SKIDA1: variants seen among roughly 807,000 people sequenced by gnomAD.
The protein encoded by SKIDA1 is SKI/DACH domain-containing protein 1.
Under a neutral mutation model 51.4 loss-of-function variants are expected in SKIDA1, and 18 were observed. The ratio of observed to expected loss-of-function variants is 0.35; its 90% CI spans 0.24 to 0.52. The LOEUF (loss-of-function observed/expected upper bound fraction) is 0.52, where lower values mean the gene tolerates loss of function less well. SKIDA1 is among the 20% of genes least tolerant of loss of function. The probability of loss-of-function intolerance (pLI) is 0.95; values close to 1 mark genes in which losing one functional copy is unlikely to be tolerated. For synonymous variants in SKIDA1, 579 were observed against 500.5 expected (o/e 1.16, Z -2.09); for missense variants, 1,104 against 1,180.6 (o/e 0.94, Z 0.95).
At chr10:21,523,305 G>A (rs2032482960) in intron 2 of SKIDA1, among the ~76,000 whole-genome samples, 1 of 152,144 alleles carries the variant, frequency 6.6e-6, no homozygotes, top group Non-Finnish European at 1.5e-5. Flanking sequence ...CCAGTTTAAA[G>A]GACACCATAA....
In SKIDA1 at chr10:21,516,099, G is replaced by T; in HGVS notation, c.1724C>A (p.Ala575Glu). 1 of 1,614,020 alleles carries T rather than the reference G, an allele frequency of 6.2e-7. No individual in the cohort carries two copies. The highest frequency in any genetic ancestry group is 8.5e-7 in the Non-Finnish European group (1 of 1,179,898). ...KRTDLTINCL[A>E]EGASSPSPKT... ...TGGGCTAGGTGAAGAGGCCCCCTCT[G>T]CCAGGCAGTTAATTGTCAGGTCAGT... is the stretch of plus-strand genomic sequence containing the variant. Residue 575 changes from alanine to glutamate, a missense_variant, in exon 4 of 4, where the codon GCA becomes GAA. Physicochemically the swap from Ala to Glu is moderately radical, Grantham distance 107. This residue lies in a region of SKIDA1 where 938 missense variants were observed against 886.4 expected (regional missense o/e 1.06). Transcript: ENST00000449193. The surrounding 1 kb of genome is among the most constrained non-coding windows in gnomAD (Gnocchi z 5.7).
intron 1 of SKIDA1, chr10:21,524,645 C>A (rs1214993818): frequency 7.2e-6 from 1 of 139,174 alleles, no homozygotes; most frequent in Non-Finnish European, 1.5e-5. Flanking sequence ...CTTAATCCTA[C>A]GCTAAAAGAG....
chr10:21,521,860 T>C (rs903126248), intron 2 of SKIDA1, among the ~76,000 whole-genome samples: 1 of 152,196 alleles, frequency 6.6e-6, no homozygotes, highest in Non-Finnish European at 1.5e-5. Context: ...AATCAGCACT[T>C]TCAGTTTTTA....
At position 21,517,286 on chromosome 10, in the gene SKIDA1, C is replaced by T; in HGVS notation, c.537G>A (p.Ser179=). The T allele has an allele frequency of 1.4e-6, 2 of 1,467,222 alleles. No homozygotes were observed. The highest frequency in any genetic ancestry group is 1.8e-6 in the Non-Finnish European group (2 of 1,107,004). The allele number at this position is 1,467,222 out of a possible 1,614,324, so 90.9% of individuals were successfully genotyped here. A position where few individuals can be genotyped will look rare whatever the true frequency, so the allele number is the denominator to read the frequency against. ...GCGAGCGCACGATCTCCGGGTAGTG[C>T]GAGCCGGGGTATTTGCTAAAAATCT... ...LPQIFSKYPG[S]HYPEIVRSPC... is the part of the protein sequence containing the mutation. Residue 179 remains serine (S), a synonymous_variant, in exon 4 of 4, where the codon TCG becomes TCA. Transcript: ENST00000449193. The surrounding 1 kb of genome is among the most constrained non-coding windows in gnomAD (Gnocchi z 6.9).
In SKIDA1 at chr10:21,518,753, A is replaced by G. The variant is rs775860362; in HGVS notation, c.-931T>C. ...CAGAATAGCCTGGTATTTCCCTTAC[A>G]GGAGTGGGGAAGGAGACCGGCTGGG... On this transcript the variant is annotated 5_prime_UTR_variant, in exon 4 of 4. Transcript: ENST00000449193. 5.4e-5 allele frequency: 9 copies of G among 166,890 alleles called. No homozygotes were observed. Among genetic ancestry groups the G allele is most frequent in the Non-Finnish European group, 7.3e-5 (5 of 68,080 alleles). The allele number at this position is 166,890 out of a possible 1,614,324, so 10.3% of individuals were successfully genotyped here. A position where few individuals can be genotyped will look rare whatever the true frequency, so the allele number is the denominator to read the frequency against.
chr10:21,518,513 A>T lies in SKIDA1; in HGVS notation c.-691T>A, dbSNP rs1473822827. 2 of 165,732 alleles carry T rather than the reference A, an allele frequency of 1.2e-5. No individual in the cohort carries two copies. Among genetic ancestry groups the T allele is most frequent in the Non-Finnish European group, 2.9e-5 (2 of 67,954 alleles). The allele number at this position is 165,732 out of a possible 1,614,324, so 10.3% of individuals were successfully genotyped here. A position where few individuals can be genotyped will look rare whatever the true frequency, so the allele number is the denominator to read the frequency against. ...AACAGCCTGACTCACAGACTTCATC[A>T]GAAGCAGTGTGTGTACGCTTAAGGG... On this transcript the variant is annotated 5_prime_UTR_variant, in exon 4 of 4. Coordinates refer to ENST00000449193, the MANE Select transcript of SKIDA1 (RefSeq NM_207371.4).
chr10:21,515,342 G>T lies in SKIDA1; in HGVS notation c.2481C>A (p.Asn827Lys), dbSNP rs770501527. The T allele has an allele frequency of 6.2e-7, 1 of 1,613,996 alleles. No individual in the cohort carries two copies. Among genetic ancestry groups the T allele is most frequent in the African/African-American group, 1.3e-5 (1 of 75,026 alleles). ...CATTGCTGGCTACCTTTTTGCGTCTGTTTATAACTGTAAAATCATCCAGTG... is the reference window on the plus strand; with the variant it reads ...CATTGCTGGCTACCTTTTTGCGTCTTTTTATAACTGTAAAATCATCCAGTG... ...EGTLDDFTVINRRKKVASNVA... is the reference protein window; with the variant it reads ...EGTLDDFTVIKRRKKVASNVA... The change falls in exon 4 of 4, where the codon AAC becomes AAA. Residue 827 changes from asparagine to lysine, a missense_variant. By Grantham distance (94) the Asn-to-Lys change is moderately conservative (BLOSUM62 0). Transcript: ENST00000449193.
At position 21,515,628 on chromosome 10, in the gene SKIDA1, G is replaced by C. The variant is rs1346799001; in HGVS notation, c.2195C>G (p.Thr732Ser). Residue 732 changes from threonine to serine, a missense_variant, in exon 4 of 4, where the codon ACC (threonine) becomes AGC (serine). Thr to Ser is a moderately conservative substitution (Grantham distance 58). Coordinates refer to ENST00000449193, the MANE Select transcript of SKIDA1 (RefSeq NM_207371.4). Reference protein sequence around the residue: ...TESKEEDALLTTAKEGFACPE... With the variant: ...TESKEEDALLSTAKEGFACPE... ...GCATGCAAAACCTTCCTTGGCTGTG[G>C]TTAACAAGGCGTCCTCCTCTTTACT... 1 of 1,614,012 alleles carries C rather than the reference G, an allele frequency of 6.2e-7. No individual in the cohort carries two copies. Among genetic ancestry groups the C allele is most frequent in the African/African-American group, 1.3e-5 (1 of 75,046 alleles).
At chr10:21,523,483 T>C (rs191727598) in intron 2 of SKIDA1, among the ~76,000 whole-genome samples, 200 bp downstream of exon 2, 2 of 152,268 alleles carry the variant, frequency 1.3e-5, no homozygotes, top group Admixed American at 1.3e-4. Context: ...TATTTTCCTA[T>C]GAGACACATG....
rs904716919 is a variant in SKIDA1, at chr10:21,516,552, T to C, written c.1271A>G (p.Glu424Gly). Residue 424 changes from glutamate to glycine, a missense_variant, in exon 4 of 4, where the codon GAA (glutamate) becomes GGA (glycine). Around this residue, in one of 3 missense-constraint regions of SKIDA1, gnomAD observed 938 missense variants for 886.4 expected, o/e 1.06. Coordinates refer to ENST00000449193, the MANE Select transcript of SKIDA1 (RefSeq NM_207371.4). This position sits in a 1 kb window ranked among gnomAD's most constrained non-coding sequence, Gnocchi z 5.7. ...EEEEGEEEEE[E>G]EEEEGGSGAS... ...CCCGCTGCCCCCCTCCTCCTCCTCT[T>C]CCTCCTCCTCCTCCTCTCCCTCCTC... 17 of 1,467,598 alleles carry C rather than the reference T, an allele frequency of 1.2e-5. No homozygotes were observed. In the East Asian group the frequency reaches 2.2e-4, roughly 19 times the overall value. The allele number at this position is 1,467,598 out of a possible 1,614,324, so 90.9% of individuals were successfully genotyped here. A position where few individuals can be genotyped will look rare whatever the true frequency, so the allele number is the denominator to read the frequency against.
chr10:21,521,833 C>T (rs2032404380), intron 2 of SKIDA1, among the ~76,000 whole-genome samples: 1 of 152,168 alleles, frequency 6.6e-6, no homozygotes, highest in Non-Finnish European at 1.5e-5. Flanking sequence ...CCACTTACTT[C>T]TGCATTTATT....
At position 21,514,911 on chromosome 10, in the gene SKIDA1, C is replaced by CAA; in HGVS notation, c.*184_*185insTT. ...ACCCTTCTCCCACCCCGCCCCCACC[C>CAA]TACTCCAGAAAAAAAAAAAAAAACC... On this transcript the variant is annotated 3_prime_UTR_variant, in exon 4 of 4. Transcript: ENST00000449193. 3.9e-6 allele frequency: 1 copy of CAA among 258,508 alleles called. No individual in the cohort carries two copies. The highest frequency in any genetic ancestry group is 1.1e-4 in the East Asian group (1 of 8,702). The allele number at this position is 258,508 out of a possible 1,614,324, so 16.0% of individuals were successfully genotyped here.
Position 21,515,448 on chromosome 10 carries a change from A to G in SKIDA1, c.2375T>C (p.Leu792Pro). 6.2e-7 allele frequency: 1 copy of G among 1,614,022 alleles called. No individual in the cohort carries two copies. Among genetic ancestry groups the G allele is most frequent in the Non-Finnish European group, 8.5e-7 (1 of 1,179,902 alleles). ...RTLVLGKRPV[L>P]QTPPVKPNLK... is the part of the protein sequence containing the mutation. ...ATTTGGTTTGACTGGAGGTGTCTGA[A>G]GGACAGGTCGCTTTCCCAGTACTAG... The change falls in exon 4 of 4, where the codon CTT becomes CCT. Residue 792 changes from leucine to proline, a missense_variant. Around this residue, in one of 3 missense-constraint regions of SKIDA1, gnomAD observed 112 missense variants for 168.3 expected, o/e 0.67. Transcript: ENST00000449193.
chr10:21,515,024 T>C lies in SKIDA1; in HGVS notation c.*72A>G, dbSNP rs2032155816. On this transcript the variant is annotated 3_prime_UTR_variant, in exon 4 of 4. Transcript: ENST00000449193. ...GGGGTGTAACACATTAATGGACTTG[T>C]ACAAACCATCCTGTGCAGTTTACAA... The C allele has an allele frequency of 3.8e-5, 56 of 1,469,090 alleles. No individual in the cohort carries two copies. Among genetic ancestry groups the C allele is most frequent in the Non-Finnish European group, 5.0e-5 (56 of 1,113,044 alleles). 91.0% of individuals were successfully genotyped at this position (1,469,090 alleles called of 1,614,324 possible).
rs1043336865 is a variant in SKIDA1 at position 21,517,462 on chromosome 10, G to A, written c.361C>T (p.Arg121Cys). Residue 121 changes from arginine (R) to cysteine (C), a missense_variant, in exon 4 of 4, where the codon CGC (arginine) becomes TGC (cysteine). This residue lies in a region of SKIDA1 where 938 missense variants were observed against 886.4 expected (regional missense o/e 1.06). Transcript: ENST00000449193. This position sits in a 1 kb window ranked among gnomAD's most constrained non-coding sequence, Gnocchi z 6.9. ...ALATKAPPPE[R>C]AAAASPRPGF... ...GGGCGGGGGCTGGCGGCAGCGGCGC[G>A]CTCTGGCGGCGGCGCCTTTGTGGCC... is the stretch of plus-strand genomic sequence containing the variant. 7.9e-6 allele frequency: 12 copies of A among 1,519,290 alleles called. No homozygotes were observed. Among genetic ancestry groups the A allele is most frequent in the African/African-American group, 1.4e-5 (1 of 70,916 alleles). The allele number at this position is 1,519,290 out of a possible 1,614,324, so 94.1% of individuals were successfully genotyped here.
In SKIDA1 at chr10:21,516,892, C is replaced by T; in HGVS notation, c.931G>A (p.Ala311Thr). 1 of 1,191,352 alleles carries T rather than the reference C, an allele frequency of 8.4e-7. No individual in the cohort carries two copies. The allele number at this position is 1,191,352 out of a possible 1,614,324, so 73.8% of individuals were successfully genotyped here. The change falls in exon 4 of 4, where the codon GCA becomes ACA. Residue 311 changes from alanine (A) to threonine (T), a missense_variant. Ala to Thr is a moderately conservative substitution (Grantham distance 58). Around this residue, in one of 3 missense-constraint regions of SKIDA1, gnomAD observed 938 missense variants for 886.4 expected, o/e 1.06. Transcript: ENST00000449193. The surrounding 1 kb of genome is among the most constrained non-coding windows in gnomAD (Gnocchi z 5.7). The part of the protein sequence containing the change: ...AKAAAAAAAA[A>T]AAAAAAAGAT... Reference sequence around the variant, plus strand: ...CCCGCGGCGGCCGCCGCCGCCGCTGCCGCCGCCGCCGCCGCCGCCGCCGCC... The same window carrying T: ...CCCGCGGCGGCCGCCGCCGCCGCTGTCGCCGCCGCCGCCGCCGCCGCCGCC...
chr10:21,516,899 C>A lies in SKIDA1; in HGVS notation c.924G>T (p.Ala308=). The A allele has an allele frequency of 5.3e-6, 6 of 1,123,806 alleles. No homozygotes were observed. The highest frequency in any genetic ancestry group is 4.9e-5 in the East Asian group (1 of 20,510). The allele number at this position is 1,123,806 out of a possible 1,614,324, so 69.6% of individuals were successfully genotyped here. Residue 308 remains alanine, a synonymous_variant, in exon 4 of 4, where the codon GCG becomes GCT. Coordinates refer to ENST00000449193, the MANE Select transcript of SKIDA1 (RefSeq NM_207371.4). The surrounding 1 kb of genome is among the most constrained non-coding windows in gnomAD (Gnocchi z 5.7). The part of the protein sequence containing the change: ...SYKAKAAAAA[A]AAAAAAAAAA... ...CGGCCGCCGCCGCCGCTGCCGCCGC[C>A]GCCGCCGCCGCCGCCGCCTTGGCTT...
chr10:21,515,984 G>A lies in SKIDA1; in HGVS notation c.1839C>T (p.Asn613=), dbSNP rs1467066323. 6.2e-7 allele frequency: 1 copy of A among 1,613,828 alleles called. No individual in the cohort carries two copies. The highest frequency in any genetic ancestry group is 8.5e-7 in the Non-Finnish European group (1 of 1,179,870). Residue 613 remains asparagine (N), a synonymous_variant, in exon 4 of 4, where the codon AAC becomes AAT. Coordinates refer to ENST00000449193, the MANE Select transcript of SKIDA1 (RefSeq NM_207371.4). ...QTTPTTHCAD[N]NTIAARFLNN... ...TTAAGAACCTAGCAGCTATTGTGTTGTTATCTGCACAGTGTGTAGTAGGAG... is the reference window on the plus strand; with the variant it reads ...TTAAGAACCTAGCAGCTATTGTGTTATTATCTGCACAGTGTGTAGTAGGAG...
rs1472883364 is a variant in SKIDA1 at position 21,517,870 on chromosome 10, C to T, written c.-48G>A. ...CCATTTGCAGTAAATATATACGTGACGCATACATACACATGTATGTATGTT... is the reference window on the plus strand; with the variant it reads ...CCATTTGCAGTAAATATATACGTGATGCATACATACACATGTATGTATGTT... On this transcript the variant is annotated 5_prime_UTR_variant, in exon 4 of 4. Coordinates refer to ENST00000449193, the MANE Select transcript of SKIDA1 (RefSeq NM_207371.4). This position sits in a 1 kb window ranked among gnomAD's most constrained non-coding sequence, Gnocchi z 6.9. 5 of 1,494,810 alleles carry T rather than the reference C, an allele frequency of 3.3e-6. No homozygotes were observed. In the East Asian group the frequency reaches 1.2e-4, roughly 35 times the overall value. The allele number at this position is 1,494,810 out of a possible 1,614,324, so 92.6% of individuals were successfully genotyped here.
Sources: gnomAD v4.1 joint callset for allele counts (sites outside exome capture counted in the v4.1 genomes callset) on GRCh38, gnomAD v4.1.1 for gene constraint, gnomAD v4.1.1 regional missense constraint, Gnocchi (gnomAD v3.1) non-coding constraint, MANE v1.5 for transcripts, NCBI Gene and HGNC (gene_info 2026-07-23, HGNC 2026-07-21) for gene names.